L3MBTL3: variants seen among roughly 807,000 people sequenced by gnomAD.
L3MBTL3 encodes L3MBTL histone methyl-lysine binding protein 3.
In L3MBTL3, 27 loss-of-function variants were observed where a neutral mutation model predicts 102.3. The ratio of observed to expected loss-of-function variants is 0.26; its 90% confidence interval spans 0.19 to 0.36. The LOEUF (loss-of-function observed/expected upper bound fraction) is 0.36. Ranked by LOEUF, L3MBTL3 falls within the 10% of genes least tolerant of loss-of-function variation. The pLI is 1.00. For missense variants in L3MBTL3, 798 were observed against 955.3 expected (o/e 0.84, Z 2.17); for synonymous variants, 340 against 320.9 (o/e 1.06, Z -0.64).
intron 3 of L3MBTL3, among the ~76,000 whole-genome samples, chr6:130,046,299 A>G (rs1244739024): frequency 6.6e-6 from 1 of 152,134 alleles, no homozygotes; most frequent in African/African-American, 2.4e-5. Context: ...CTCTTAATAC[A>G]CGGTTTTTGC....
intron 19 of L3MBTL3, among the ~76,000 whole-genome samples, chr6:130,116,667 C>A (rs1201275846): frequency 6.6e-6 from 1 of 151,966 alleles, no homozygotes; most frequent in Non-Finnish European, 1.5e-5. Context: ...GCTGGAGAAG[C>A]ACTTGAGCAT....
At chr6:130,077,921 G>T (rs933380208) in intron 13 of L3MBTL3, among the ~76,000 whole-genome samples, 1 of 152,136 alleles carries the variant, frequency 6.6e-6, no homozygotes, top group African/African-American at 2.4e-5. Context: ...GTTGCATTTT[G>T]AGAAGAGAAA....
At chr6:130,108,537 G>A (rs1458588102) in intron 19 of L3MBTL3, among the ~76,000 whole-genome samples, 4 of 151,888 alleles carry the variant, frequency 2.6e-5, no homozygotes, top group African/African-American at 7.3e-5. Flanking sequence ...CCGGCCAAAT[G>A]TTAGTTTTTA....
chr6:130,059,951 C>CT (rs1781780281), intron 9 of L3MBTL3, 85 bp from the exon 10 acceptor site: 1 of 681,220 alleles, frequency 1.5e-6, no homozygotes, highest in Non-Finnish European at 2.5e-6. Context: ...GTTAAATAGT[C>CT]TTTATTTTTA....
chr6:130,104,930 G>A (rs1278078877), intron 19 of L3MBTL3, among the ~76,000 whole-genome samples: 2 of 152,134 alleles, frequency 1.3e-5, no homozygotes, highest in African/African-American at 2.4e-5. Context: ...TATCAGTAAA[G>A]TAGTGGACTG....
chr6:130,036,048 C>T (rs1391605139), intron 2 of L3MBTL3, among the ~76,000 whole-genome samples: 1 of 151,306 alleles, frequency 6.6e-6, no homozygotes, highest in Non-Finnish European at 1.5e-5. Context: ...TGTGGTGTAG[C>T]AGCAGGTGAT....
chr6:130,060,513 C>T (rs1781819789), intron 10 of L3MBTL3, among the ~76,000 whole-genome samples: 1 of 150,848 alleles, frequency 6.6e-6, no homozygotes. Flanking sequence ...TGAAATTTTT[C>T]AGGAAAAAAA....
intron 14 of L3MBTL3, among the ~76,000 whole-genome samples, chr6:130,082,546 C>G (rs1030842744): frequency 1.3e-5 from 2 of 152,174 alleles, no homozygotes; most frequent in Non-Finnish European, 2.9e-5. Flanking sequence ...CCCCTTTAGG[C>G]ACATTTCAGT....
chr6:130,054,932 A>G (rs1195251275), intron 7 of L3MBTL3, among the ~76,000 whole-genome samples: 1 of 152,214 alleles, frequency 6.6e-6, no homozygotes, highest in African/African-American at 2.4e-5. Flanking sequence ...TGTTTCAAGG[A>G]GCGGGGAGCG....
At chr6:130,076,950 T>G (rs1403195377) in intron 13 of L3MBTL3, among the ~76,000 whole-genome samples, 1 of 152,148 alleles carries the variant, frequency 6.6e-6, no homozygotes, top group Non-Finnish European at 1.5e-5. Context: ...CAAGAATGAA[T>G]GACCATTAAG....
At chr6:130,132,353 G>T (rs1402757326) in intron 20 of L3MBTL3, among the ~76,000 whole-genome samples, 1 of 152,208 alleles carries the variant, frequency 6.6e-6, no homozygotes, top group Non-Finnish European at 1.5e-5. Flanking sequence ...GATGAGGTGC[G>T]ATTGGAAGGG....
chr6:130,100,338 T>G (rs1362523528), intron 18 of L3MBTL3, among the ~76,000 whole-genome samples: 1 of 152,130 alleles, frequency 6.6e-6, no homozygotes, highest in Non-Finnish European at 1.5e-5. Context: ...GATGTCCGCC[T>G]CCATGCATGT....
intron 2 of L3MBTL3, among the ~76,000 whole-genome samples, chr6:130,037,541 C>A (rs1266074287): frequency 1.3e-5 from 2 of 152,054 alleles, no homozygotes; most frequent in East Asian, 3.8e-4. Context: ...TTTCATATTT[C>A]TATTATTGAT....
intron 20 of L3MBTL3, among the ~76,000 whole-genome samples, chr6:130,130,863 C>T (rs1786960573): frequency 6.6e-6 from 1 of 152,160 alleles, no homozygotes; most frequent in Non-Finnish European, 1.5e-5. Flanking sequence ...ATTTTTGACT[C>T]AGCATAGTGA....
At chr6:130,019,869 C>T (rs2114371978) in intron 1 of L3MBTL3, among the ~76,000 whole-genome samples, 1 of 136,938 alleles carries the variant, frequency 7.3e-6, no homozygotes, top group African/African-American at 2.6e-5. Context: ...CGGGAGAGGG[C>T]GCGGGCCGCG....
chr6:130,114,292 C>A (rs1785529036), intron 19 of L3MBTL3, among the ~76,000 whole-genome samples: 1 of 152,120 alleles, frequency 6.6e-6, no homozygotes, highest in Non-Finnish European at 1.5e-5. Flanking sequence ...TTGCTATATG[C>A]CTGTGAAGTT....
chr6:130,128,838 A>C (rs1204766199), intron 20 of L3MBTL3, among the ~76,000 whole-genome samples: 1 of 152,184 alleles, frequency 6.6e-6, no homozygotes, highest in African/African-American at 2.4e-5. Flanking sequence ...ATACCAGTGC[A>C]TGATGAAGAT....
At chr6:130,044,221 A>AG (rs1377783530) in intron 3 of L3MBTL3, among the ~76,000 whole-genome samples, 2 of 152,214 alleles carry the variant, frequency 1.3e-5, no homozygotes, top group African/African-American at 4.8e-5. Flanking sequence ...TGTAAAATTG[A>AG]GGACATTAGA....
chr6:130,132,473 T>A (rs978426983), intron 20 of L3MBTL3, among the ~76,000 whole-genome samples: 5 of 152,170 alleles, frequency 3.3e-5, no homozygotes, highest in Non-Finnish European at 7.3e-5. Context: ...TTTCTGTAGA[T>A]CTTAGAGATA....
Sources: gnomAD v4.1 joint callset for allele counts (sites outside exome capture counted in the v4.1 genomes callset) on GRCh38, gnomAD v4.1.1 for gene constraint, MANE v1.5 for transcripts, NCBI Gene and HGNC (gene_info 2026-07-23, HGNC 2026-07-21) for gene names.